COL24A1: variants seen among roughly 807,000 people sequenced by gnomAD.
COL24A1 encodes the protein collagen type XXIV alpha 1 chain.
COL24A1 carries 224 observed loss-of-function variants against 253.9 expected under a neutral mutation model. The ratio of observed to expected loss-of-function variants is 0.88; its 90% confidence interval spans 0.79 to 0.99. The LOEUF is 0.99. COL24A1 is among the 50% of genes least tolerant of loss of function. The pLI is 0.00. For missense variants in COL24A1, 2,131 were observed against 2,068.5 expected (o/e 1.03, Z -0.59); for synonymous variants, 685 against 673.7 (o/e 1.02, Z -0.26).
At chr1:85,778,214 C>A (rs2101504396) in intron 52 of COL24A1, among the ~76,000 whole-genome samples, 1 of 152,096 alleles carries the variant, frequency 6.6e-6, no homozygotes, top group South Asian at 2.1e-4. Context: ...AGTGGTCTTC[C>A]CACCTCAGCC....
chr1:86,031,280 T>C (rs1044484690), intron 14 of COL24A1, among the ~76,000 whole-genome samples: 1 of 151,876 alleles, frequency 6.6e-6, no homozygotes, highest in Non-Finnish European at 1.5e-5. Flanking sequence ...AAAGGTATGA[T>C]AAATAGGTAC....
chr1:85,867,136 A>T (rs1220720778), intron 37 of COL24A1, among the ~76,000 whole-genome samples: 2 of 152,166 alleles, frequency 1.3e-5, no homozygotes, highest in Non-Finnish European at 2.9e-5. Flanking sequence ...TTCCAGATAG[A>T]GCTTTCCTCT....
At chr1:85,806,521 T>A (rs978792318) in intron 47 of COL24A1, among the ~76,000 whole-genome samples, 1 of 152,264 alleles carries the variant, frequency 6.6e-6, no homozygotes, top group Non-Finnish European at 1.5e-5. Flanking sequence ...AATAAATTAC[T>A]GTGGCTGTGT....
rs560198135 is a variant in COL24A1, at chr1:86,053,125, G to A, written c.1852-2948C>T. On this transcript the variant is annotated intron_variant, in intron 10 of 59. Coordinates refer to ENST00000370571, the MANE Select transcript of COL24A1 (RefSeq NM_152890.7). Reference sequence around the variant, plus strand: ...TCATACAAAAGTATTTCTGATACTAGAGCATTTAGGATTATGATGACAAGC... The same window carrying A: ...TCATACAAAAGTATTTCTGATACTAAAGCATTTAGGATTATGATGACAAGC... Among the ~76,000 whole-genome samples, 4 of 152,176 alleles carry A rather than the reference G, an allele frequency of 2.6e-5. No homozygotes were observed. The South Asian group carries it at 6.2e-4, about 24-fold the overall frequency.
chr1:85,815,360 AT>A (rs1672952309), intron 47 of COL24A1, among the ~76,000 whole-genome samples: 1 of 152,210 alleles, frequency 6.6e-6, no homozygotes, highest in Admixed American at 6.5e-5. Context: ...GGGATCTCAA[AT>A]GAGTCTCTTT....
At chr1:86,083,907 A>C (rs766205125) in intron 7 of COL24A1, among the ~76,000 whole-genome samples, 1 of 152,218 alleles carries the variant, frequency 6.6e-6, no homozygotes, top group Non-Finnish European at 1.5e-5. Flanking sequence ...CATATTTCCT[A>C]AATCCATATA....
At position 85,772,166 on chromosome 1, in the gene COL24A1, A is replaced by G. The variant is rs555269218; in HGVS notation, c.4374+3508T>C. ...ATGGCTGCATAGTATTCCATGGTGT[A>G]TATGTGCCACATTTTCTTAATCCAG... On this transcript the variant is annotated intron_variant, in intron 53 of 59. Transcript: ENST00000370571. Among the ~76,000 whole-genome samples the G allele has an allele frequency of 4.0e-5, 6 of 151,722 alleles. No homozygotes were observed. In the South Asian group the frequency reaches 1.1e-3, roughly 27 times the overall value.
intron 2 of COL24A1, among the ~76,000 whole-genome samples, chr1:86,131,901 G>T (rs939459041): frequency 2.6e-5 from 4 of 152,100 alleles, no homozygotes; most frequent in Admixed American, 6.5e-5. Context: ...TGGATCAAAT[G>T]GCATTTCTAG....
At chr1:86,039,412 A>T (rs1385405694) in intron 12 of COL24A1, among the ~76,000 whole-genome samples, 1 of 152,202 alleles carries the variant, frequency 6.6e-6, no homozygotes, top group Non-Finnish European at 1.5e-5. Context: ...AGCTCCACAA[A>T]TAATATGTTT....
intron 48 of COL24A1, among the ~76,000 whole-genome samples, chr1:85,785,329 A>C (rs971133655): frequency 1.8e-4 from 27 of 152,312 alleles, no homozygotes; most frequent in African/African-American, 6.0e-4. Context: ...TGAGAGTTGA[A>C]ATATCTTTCA....
At chr1:86,132,759 G>A (rs987745794) in intron 2 of COL24A1, among the ~76,000 whole-genome samples, 13 of 152,146 alleles carry the variant, frequency 8.5e-5, no homozygotes, top group African/African-American at 3.1e-4. Flanking sequence ...TGCTGTTTTG[G>A]TTACTGTAGC....
intron 6 of COL24A1, 93 bp from the exon 7 acceptor site, chr1:86,089,320 A>G (rs1703315319): frequency 3.1e-6 from 3 of 979,124 alleles, no homozygotes; most frequent in Non-Finnish European, 4.7e-6. Context: ...TTTGGACATC[A>G]GCTCTTATTA....
chr1:86,072,038 G>A (rs1363541908), intron 7 of COL24A1, among the ~76,000 whole-genome samples: 3 of 152,110 alleles, frequency 2.0e-5, no homozygotes, highest in South Asian at 2.1e-4. Context: ...TCCCTCGGAC[G>A]CCTACACCAC....
chr1:85,814,329 A>C (rs1446730846), intron 47 of COL24A1, among the ~76,000 whole-genome samples: 1 of 152,226 alleles, frequency 6.6e-6, no homozygotes, highest in Non-Finnish European at 1.5e-5. Flanking sequence ...GACAGATTCT[A>C]GGAATAAGGT....
chr1:85,762,261 A>G lies in COL24A1; in HGVS notation c.4375-695T>C, dbSNP rs557452633. Among the ~76,000 whole-genome samples, 36 of 152,318 alleles carry G rather than the reference A, an allele frequency of 2.4e-4. No individual in the cohort carries two copies. In the South Asian group the frequency reaches 2.5e-3, roughly 11 times the overall value. Reference sequence around the variant, plus strand: ...TACGGTTAAAAGATGGCAAAGCAACACTTATCTTCAGCTAAGTTTTGGATA... The same window carrying G: ...TACGGTTAAAAGATGGCAAAGCAACGCTTATCTTCAGCTAAGTTTTGGATA... On this transcript the variant is annotated intron_variant, in intron 53 of 59. Transcript: ENST00000370571.
chr1:86,124,910 CATA>C lies in COL24A1; in HGVS notation c.1423_1425del (p.Tyr475del), dbSNP rs772037834. 5 of 1,609,820 alleles carry C rather than the reference CATA, an allele frequency of 3.1e-6. No individual in the cohort carries two copies. The highest frequency in any genetic ancestry group is 1.1e-5 in the South Asian group (1 of 90,380). Reference sequence around the variant, plus strand: ...ATTTCAAGCATTGTATTTAGATCCTCATAATAATAATAATCATAAAGCTCAGTT... The same window carrying C: ...ATTTCAAGCATTGTATTTAGATCCTCATAATAATAATCATAAAGCTCAGTT... On this transcript the variant is annotated inframe_deletion, in exon 3 of 60. Transcript: ENST00000370571.
rs188627535 is a variant in COL24A1, at chr1:85,870,009, C to T, written c.3139-1174G>A. On this transcript the variant is annotated intron_variant, in intron 35 of 59. Coordinates refer to ENST00000370571, the MANE Select transcript of COL24A1 (RefSeq NM_152890.7). ...AATAAAGGGATGGAGGAAGATCTAC[C>T]AAGCAAATGGAAAACAAAAAAAGGC... is the stretch of plus-strand genomic sequence containing the variant. Among the ~76,000 whole-genome samples the T allele has an allele frequency of 2.6e-5, 4 of 152,132 alleles. No homozygotes were observed. The East Asian group carries it at 7.7e-4, about 29-fold the overall frequency.
At chr1:85,941,918 T>G (rs1486072134) in intron 24 of COL24A1, among the ~76,000 whole-genome samples, 1 of 152,214 alleles carries the variant, frequency 6.6e-6, no homozygotes, top group Non-Finnish European at 1.5e-5. Context: ...ACTGGGCACA[T>G]AGTAGGTGTT....
At chr1:86,096,968 T>C (rs531524444) in intron 5 of COL24A1, among the ~76,000 whole-genome samples, 27 of 152,326 alleles carry the variant, frequency 1.8e-4, no homozygotes, top group Admixed American at 1.6e-3. Context: ...AACCTAACTC[T>C]GTTCTAAAAT....
Sources: gnomAD v4.1 joint callset for allele counts (sites outside exome capture counted in the v4.1 genomes callset) on GRCh38, gnomAD v4.1.1 for gene constraint, MANE v1.5 for transcripts, NCBI Gene and HGNC (gene_info 2026-07-23, HGNC 2026-07-21) for gene names.